The following SLC16A9 variants were observed in gnomAD, a reference collection of about 807,000 sequenced individuals.
The protein encoded by SLC16A9 is solute carrier family 16 member 9, also known as monocarboxylate transporter 9.
A neutral mutation model predicts 44.3 loss-of-function variants in SLC16A9; 26 were observed. That is an observed-to-expected ratio of 0.59 (90% CI 0.43 to 0.81). The LOEUF (loss-of-function observed/expected upper bound fraction) is 0.81, where lower values mean the gene tolerates loss of function less well. Among genes scored for constraint, SLC16A9 ranks in the 40% least tolerant of loss-of-function variants. The probability of loss-of-function intolerance (pLI) is 0.00; values close to 1 mark genes in which losing one functional copy is unlikely to be tolerated. For synonymous variants in SLC16A9, 230 were observed against 225.1 expected (o/e 1.02, Z -0.19); for missense variants, 559 against 595.8 (o/e 0.94, Z 0.64).
At chr10:59,664,031 T>TA (rs71467073) in intron 4 of SLC16A9, among the ~76,000 whole-genome samples, 196 bp downstream of exon 4, 40,716 of 122,396 alleles carry the variant, frequency 0.33, 6,915 homozygotes, top group Middle Eastern at 0.45. Context: ...ATGTAAAATG[T>TA]AAAAAAAAAA....
intron 1 of SLC16A9, among the ~76,000 whole-genome samples, chr10:59,686,060 T>TG (rs1298117407): frequency 3.3e-5 from 5 of 151,856 alleles, no homozygotes; most frequent in African/African-American, 1.2e-4. Context: ...TCACTCAACT[T>TG]GCATTTCTTA....
intron 2 of SLC16A9, among the ~76,000 whole-genome samples, chr10:59,675,501 C>T (rs1050435917): frequency 2.0e-5 from 3 of 152,158 alleles, no homozygotes; most frequent in African/African-American, 7.2e-5. Context: ...TGATAATTGG[C>T]CACAGCCAAC....
At chr10:59,687,190 C>T (rs1295493964) in intron 1 of SLC16A9, among the ~76,000 whole-genome samples, 5 of 152,202 alleles carry the variant, frequency 3.3e-5, no homozygotes, top group Admixed American at 3.3e-4. Context: ...CAGGCATGAG[C>T]CACCGTGCCT....
chr10:59,652,947 C>T lies in SLC16A9; in HGVS notation c.1355G>A (p.Trp452Ter). 6.3e-7 allele frequency: 1 copy of T among 1,598,720 alleles called. No individual in the cohort carries two copies. The highest frequency in any genetic ancestry group is 8.5e-7 in the Non-Finnish European group (1 of 1,174,930). Reference protein sequence around the residue: ...GNSLGPPIVGWFYDWTQTYDI... With the variant: ...GNSLGPPIVG ...ATAGGTCTGGGTCCAGTCATAAAAC[C>T]AACCTGAAAAGGCAGTAAGAAAAAA... The change falls in exon 6 of 6, where the codon TGG (tryptophan) becomes TAG (stop). Residue 452 changes from tryptophan (W) to a stop codon, truncating the protein, a stop_gained. Transcript: ENST00000395348. LOFTEE classifies it high-confidence loss of function.
chr10:59,650,891 A>G lies in SLC16A9; in HGVS notation c.*1881T>C, dbSNP rs1318967855. On this transcript the variant is annotated 3_prime_UTR_variant, in exon 6 of 6. Coordinates refer to ENST00000395348, the MANE Select transcript of SLC16A9 (RefSeq NM_194298.3). ...TTTGGACAATTATCAGCATTGATGA[A>G]TATGAAGATGTCACATCAAAGTCAA... 2 of 152,214 alleles carry G rather than the reference A, an allele frequency of 1.3e-5. No homozygotes were observed. Among genetic ancestry groups the G allele is most frequent in the African/African-American group, 4.8e-5 (2 of 41,458 alleles). The allele number at this position is 152,214 out of a possible 1,614,324, so 9.4% of individuals were successfully genotyped here.
At chr10:59,688,311 G>C (rs1350081089) in intron 1 of SLC16A9, among the ~76,000 whole-genome samples, 1 of 152,132 alleles carries the variant, frequency 6.6e-6, no homozygotes, top group Non-Finnish European at 1.5e-5. Flanking sequence ...CATTTGCCTG[G>C]GCTTCCATGG....
At chr10:59,692,666 C>T (rs944264436) in intron 1 of SLC16A9, among the ~76,000 whole-genome samples, 2 of 152,080 alleles carry the variant, frequency 1.3e-5, no homozygotes, top group African/African-American at 4.8e-5. Context: ...AACTAAAAAG[C>T]AAACCTGTTC....
At chr10:59,658,823 G>A (rs912832837) in intron 4 of SLC16A9, among the ~76,000 whole-genome samples, 2 of 152,072 alleles carry the variant, frequency 1.3e-5, no homozygotes, top group South Asian at 4.1e-4. Context: ...AATATGTTGG[G>A]GAAATATACA....
chr10:59,703,636 TCTGG>T (rs1840573722), intron 1 of SLC16A9, among the ~76,000 whole-genome samples: 2 of 152,170 alleles, frequency 1.3e-5, no homozygotes, highest in Admixed American at 6.5e-5. Flanking sequence ...TCTGGCCAAG[TCTGG>T]TCTCTTAATG....
At chr10:59,671,312 T>G (rs1564701238) in intron 3 of SLC16A9, among the ~76,000 whole-genome samples, 1 of 152,222 alleles carries the variant, frequency 6.6e-6, no homozygotes, top group South Asian at 2.1e-4. Flanking sequence ...GGAAGGACAC[T>G]GCAACAAACA....
At chr10:59,662,602 C>G (rs11006664) in intron 4 of SLC16A9, among the ~76,000 whole-genome samples, 2 of 123,936 alleles carry the variant, frequency 1.6e-5, no homozygotes, top group African/African-American at 3.2e-5. Flanking sequence ...CCACTGCACT[C>G]TAGCCTAGGC....
chr10:59,707,218 G>T (rs1051089507), intron 1 of SLC16A9, among the ~76,000 whole-genome samples: 3 of 145,060 alleles, frequency 2.1e-5, no homozygotes, highest in African/African-American at 7.6e-5. Flanking sequence ...AGAGAGAGAA[G>T]AGAGAGAAGA....
intron 1 of SLC16A9, among the ~76,000 whole-genome samples, chr10:59,690,737 C>T (rs1840234253): frequency 6.6e-6 from 1 of 151,866 alleles, no homozygotes; most frequent in South Asian, 2.1e-4. Flanking sequence ...ATAATTGTTT[C>T]TACATATTGT....
Position 59,709,505 on chromosome 10 carries a change from C to G in SLC16A9, c.-63G>C, listed in dbSNP as rs759322188. On this transcript the variant is annotated 5_prime_UTR_variant, in exon 1 of 6. Coordinates refer to ENST00000395348, the MANE Select transcript of SLC16A9 (RefSeq NM_194298.3). ...TGAGTCCCGGCCTCGGCGGGGCCTCCGGTGCTCAGCACCCGGCTCAGTGCC... is the reference window on the plus strand; with the variant it reads ...TGAGTCCCGGCCTCGGCGGGGCCTCGGGTGCTCAGCACCCGGCTCAGTGCC... The G allele has an allele frequency of 2.0e-5, 3 of 152,336 alleles. No individual in the cohort carries two copies. Among genetic ancestry groups the G allele is most frequent in the Non-Finnish European group, 4.4e-5 (3 of 68,172 alleles). The allele number at this position is 152,336 out of a possible 1,614,324, so 9.4% of individuals were successfully genotyped here. A position where few individuals can be genotyped will look rare whatever the true frequency, so the allele number is the denominator to read the frequency against.
intron 2 of SLC16A9, among the ~76,000 whole-genome samples, chr10:59,678,477 A>G (rs995669889): frequency 1.3e-5 from 2 of 149,214 alleles, no homozygotes; most frequent in African/African-American, 4.9e-5. Flanking sequence ...TGGTATTTAG[A>G]GATGGCAGAA....
intron 3 of SLC16A9, among the ~76,000 whole-genome samples, chr10:59,668,797 A>T (rs529381293): frequency 1.3e-5 from 2 of 150,832 alleles, no homozygotes; most frequent in African/African-American, 4.8e-5. Context: ...CTCAGACTAC[A>T]TTAAAAAATC....
intron 1 of SLC16A9, among the ~76,000 whole-genome samples, chr10:59,701,011 C>T (rs927551682): frequency 2.6e-5 from 4 of 152,162 alleles, no homozygotes; most frequent in African/African-American, 9.7e-5. Flanking sequence ...ACTCCAGATC[C>T]ACATTTCTAA....
At position 59,652,688 on chromosome 10, in the gene SLC16A9, C is replaced by T; in HGVS notation, c.*84G>A. On this transcript the variant is annotated 3_prime_UTR_variant, in exon 6 of 6. Transcript: ENST00000395348. ...TTTTGCTATGAGAAAATAGTCTTGACTCTAGAAAATTTGCTTGAGAATCTG... is the reference window on the plus strand; with the variant it reads ...TTTTGCTATGAGAAAATAGTCTTGATTCTAGAAAATTTGCTTGAGAATCTG... 1 of 1,287,372 alleles carries T rather than the reference C, an allele frequency of 7.8e-7. No individual in the cohort carries two copies. The highest frequency in any genetic ancestry group is 1.5e-5 in the African/African-American group (1 of 65,616). The allele number at this position is 1,287,372 out of a possible 1,614,324, so 79.7% of individuals were successfully genotyped here.
chr10:59,696,880 G>C (rs1171633), intron 1 of SLC16A9, among the ~76,000 whole-genome samples: 124,261 of 144,690 alleles, frequency 0.86, 54,040 homozygotes, highest in Middle Eastern at 0.95. Flanking sequence ...GCCACCCCGT[G>C]TGGGAAGTGA....
Sources: allele counts gnomAD v4.1 joint callset (sites outside exome capture counted in the v4.1 genomes callset), GRCh38; gene constraint gnomAD v4.1.1; transcripts MANE v1.5; gene names NCBI Gene and HGNC (gene_info 2026-07-23, HGNC 2026-07-21).